The following PEBP4 variants were observed in gnomAD, a reference collection of about 807,000 sequenced individuals.
PEBP4 encodes phosphatidylethanolamine-binding protein 4.
Under a neutral mutation model 23.9 loss-of-function variants are expected in PEBP4, and 22 were observed. The observed-to-expected ratio is 0.92, with a 90% CI of 0.66 to 1.31. The LOEUF (loss-of-function observed/expected upper bound fraction) is 1.31. Ranked by LOEUF, PEBP4 falls within the 40% of genes most tolerant of loss-of-function variation. The pLI, the probability that PEBP4 is intolerant of heterozygous loss-of-function variation, is 0.00. For missense variants in PEBP4, 324 were observed against 281.7 expected (o/e 1.15, Z -1.07); for synonymous variants, 112 against 99.3 (o/e 1.13, Z -0.76).
Position 22,865,218 on chromosome 8 carries a change from G to T in PEBP4, c.259-47483C>A, listed in dbSNP as rs928820526. Among the ~76,000 whole-genome samples the T allele has an allele frequency of 6.6e-6, 1 of 152,172 alleles. No individual in the cohort carries two copies. The highest frequency in any genetic ancestry group is 1.5e-5 in the Non-Finnish European group (1 of 68,008). ...TCAATGCCATTTCTGAAACAGCCTG[G>T]GGGGCGGCGGGAGGGGGAGGGAAGG... is the stretch of plus-strand genomic sequence containing the variant. On this transcript the variant is annotated intron_variant, in intron 3 of 6. Transcript: ENST00000256404. The surrounding 1 kb of genome is among the most constrained non-coding windows in gnomAD (Gnocchi z 6.9).
intron 3 of PEBP4, chr8:22,896,307 C>T (rs1257483131): frequency 6.6e-6 from 1 of 152,224 alleles, no homozygotes; most frequent in Non-Finnish European, 1.5e-5. Context: ...TCCCGCTGAC[C>T]TATCAATTCT....
intron 4 of PEBP4, among the ~76,000 whole-genome samples, chr8:22,781,101 C>T (rs912107012): frequency 1.3e-5 from 2 of 152,260 alleles, no homozygotes; most frequent in African/African-American, 4.8e-5. Context: ...TGGCAAATGA[C>T]CCTTTGCCCC....
chr8:22,801,062 T>C (rs752141870), intron 4 of PEBP4, among the ~76,000 whole-genome samples: 28 of 152,052 alleles, frequency 1.8e-4, no homozygotes, highest in Non-Finnish European at 3.2e-4. Context: ...TCTTCTACAC[T>C]GCCCCCAGGA....
At chr8:22,801,054 T>C (rs1806371396) in intron 4 of PEBP4, among the ~76,000 whole-genome samples, 1 of 151,980 alleles carries the variant, frequency 6.6e-6, no homozygotes, top group African/African-American at 2.4e-5. Context: ...CCTAACCTTC[T>C]TCTACACTGC....
At chr8:22,717,725 T>A (rs1168381712) in intron 6 of PEBP4, among the ~76,000 whole-genome samples, 1 of 152,156 alleles carries the variant, frequency 6.6e-6, no homozygotes, top group Non-Finnish European at 1.5e-5. Context: ...CCCAAGGTGA[T>A]CACCCTCTTC....
At chr8:22,788,061 G>C (rs557280278) in intron 4 of PEBP4, among the ~76,000 whole-genome samples, 1 of 152,126 alleles carries the variant, frequency 6.6e-6, no homozygotes, top group African/African-American at 2.4e-5. Context: ...AGGGATGCAC[G>C]GGCTCATCCT....
intron 3 of PEBP4, among the ~76,000 whole-genome samples, chr8:22,888,986 T>C (rs1040090757): frequency 2.0e-5 from 3 of 152,256 alleles, no homozygotes; most frequent in East Asian, 3.8e-4. Context: ...TCAGTCACTA[T>C]GTGATTTAAC....
chr8:22,715,095 GA>G (rs1804384772), intron 6 of PEBP4, among the ~76,000 whole-genome samples: 1 of 152,242 alleles, frequency 6.6e-6, no homozygotes. Flanking sequence ...CAGGGATGGG[GA>G]AAGGCCTTTG....
intron 3 of PEBP4, among the ~76,000 whole-genome samples, chr8:22,867,396 A>G (rs1294905869): frequency 6.6e-6 from 1 of 152,124 alleles, no homozygotes; most frequent in African/African-American, 2.4e-5. Context: ...GCCTGCGAAG[A>G]TGTCGTGTCA....
intron 4 of PEBP4, chr8:22,755,930 G>C (rs1266328515): frequency 6.6e-6 from 1 of 152,188 alleles, no homozygotes; most frequent in African/African-American, 2.4e-5. Context: ...GCAATCCCAA[G>C]CTCCTGCTGC....
chr8:22,923,160 G>A (rs1809247800), intron 2 of PEBP4, among the ~76,000 whole-genome samples: 1 of 152,184 alleles, frequency 6.6e-6, no homozygotes, highest in South Asian at 2.1e-4. Flanking sequence ...CTAGTACTGT[G>A]GGCTTGGCTG....
chr8:22,913,771 G>A (rs1809002042), intron 3 of PEBP4, among the ~76,000 whole-genome samples: 1 of 152,178 alleles, frequency 6.6e-6, no homozygotes, highest in South Asian at 2.1e-4. Flanking sequence ...TCCTTCTGCT[G>A]TATTTTGACA....
At chr8:22,899,789 A>T (rs1434579478) in intron 3 of PEBP4, among the ~76,000 whole-genome samples, 1 of 152,168 alleles carries the variant, frequency 6.6e-6, no homozygotes, top group Non-Finnish European at 1.5e-5. Context: ...TCATTTTTCA[A>T]AGAGCTTTTG....
intron 3 of PEBP4, among the ~76,000 whole-genome samples, chr8:22,835,568 C>G (rs959972893): frequency 1.3e-5 from 2 of 152,208 alleles, no homozygotes; most frequent in Admixed American, 1.3e-4. Flanking sequence ...GGGACTGTTA[C>G]AGAATCCTGG....
intron 6 of PEBP4, among the ~76,000 whole-genome samples, chr8:22,720,726 G>T (rs1254801636): frequency 1.3e-5 from 2 of 152,076 alleles, no homozygotes; most frequent in African/African-American, 2.4e-5. Context: ...GATTTCAGGG[G>T]TCTCTCTGTT....
intron 4 of PEBP4, chr8:22,754,955 T>A (rs1805346863): frequency 6.6e-6 from 1 of 152,250 alleles, no homozygotes. Flanking sequence ...CTACTGTGAA[T>A]CTGGTAGGCT....
chr8:22,910,358 C>A (rs1218517317), intron 3 of PEBP4, among the ~76,000 whole-genome samples: 1 of 152,268 alleles, frequency 6.6e-6, no homozygotes, highest in African/African-American at 2.4e-5. Flanking sequence ...TCACGGCACG[C>A]ATCTCCCTGC....
At chr8:22,845,021 T>A (rs1398067299) in intron 3 of PEBP4, among the ~76,000 whole-genome samples, 1 of 152,172 alleles carries the variant, frequency 6.6e-6, no homozygotes, top group Non-Finnish European at 1.5e-5. Context: ...CAGGAGCTAA[T>A]TTACCCAGGA....
chr8:22,929,165 AATTT>A (rs1439032417), upstream of PEBP4, among the ~76,000 whole-genome samples: 1 of 152,216 alleles, frequency 6.6e-6, no homozygotes, highest in African/African-American at 2.4e-5. Flanking sequence ...AATGCTCAAT[AATTT>A]ATGAATAGTC....
Sources: gnomAD v4.1 joint callset for allele counts (sites outside exome capture counted in the v4.1 genomes callset) on GRCh38, gnomAD v4.1.1 for gene constraint, Gnocchi (gnomAD v3.1) non-coding constraint, MANE v1.5 for transcripts, NCBI Gene and HGNC (gene_info 2026-07-23, HGNC 2026-07-21) for gene names.